Variants in DCC observed in about 807,000 individuals in gnomAD.
DCC encodes the protein DCC netrin 1 receptor.
A neutral mutation model predicts 172.5 loss-of-function variants in DCC; 58 were observed. The observed-to-expected ratio is 0.34, with a 90% CI of 0.27 to 0.42. DCC has a LOEUF of 0.42. DCC is among the 10% of genes least tolerant of loss of function. DCC has a pLI of 1.00. For missense variants in DCC, 1,740 were observed against 1,791.0 expected (o/e 0.97, Z 0.51); for synonymous variants, 709 against 644.5 (o/e 1.10, Z -1.52).
intron 7 of DCC, among the ~76,000 whole-genome samples, chr18:53,107,458 C>T (rs537727593): frequency 6.7e-6 from 1 of 148,776 alleles, no homozygotes; most frequent in South Asian, 2.1e-4. Context: ...AATGACTATC[C>T]TATAGAAGAG....
At chr18:53,190,415 C>T (rs1165723560) in intron 9 of DCC, among the ~76,000 whole-genome samples, 13 of 151,206 alleles carry the variant, frequency 8.6e-5, no homozygotes, top group Admixed American at 8.6e-4. Context: ...GTGTCAGAGC[C>T]AGAGTTTGAA....
At chr18:52,736,110 C>G (rs1265930302) in intron 1 of DCC, among the ~76,000 whole-genome samples, 1 of 151,994 alleles carries the variant, frequency 6.6e-6, no homozygotes. Flanking sequence ...CACAGGAATT[C>G]AGACATTGAC....
chr18:53,205,121 A>G (rs951939057), intron 9 of DCC, 95 bp from the exon 10 acceptor site: 8 of 932,434 alleles, frequency 8.6e-6, no homozygotes, highest in Admixed American at 1.7e-5. Flanking sequence ...CTAGAATTTT[A>G]TTGAACTGTA....
intron 8 of DCC, among the ~76,000 whole-genome samples, chr18:53,174,738 A>T (rs2055064227): frequency 6.8e-6 from 1 of 147,532 alleles, no homozygotes; most frequent in Non-Finnish European, 1.5e-5. Context: ...GCCGAATTCT[A>T]CCAGAGGTAC....
At chr18:52,935,525 A>G (rs950545888) in intron 5 of DCC, among the ~76,000 whole-genome samples, 10 of 152,258 alleles carry the variant, frequency 6.6e-5, no homozygotes, top group Admixed American at 2.6e-4. Flanking sequence ...AAGAAAACAT[A>G]TACTTCAAAA....
intron 1 of DCC, among the ~76,000 whole-genome samples, chr18:52,717,446 T>TTTC: frequency 6.8e-6 from 1 of 147,218 alleles, no homozygotes; most frequent in Non-Finnish European, 1.5e-5. Context: ...TTTTTTTTTT[T>TTTC]TTCCAAAAAA....
chr18:52,808,095 G>A (rs2145241849), intron 2 of DCC, among the ~76,000 whole-genome samples: 1 of 152,298 alleles, frequency 6.6e-6, no homozygotes, highest in East Asian at 1.9e-4. Flanking sequence ...TCCCTAGCAA[G>A]TTTCCCTTTA....
intron 5 of DCC, among the ~76,000 whole-genome samples, chr18:52,977,925 C>T (rs72928160): frequency 0.027 from 4,033 of 148,016 alleles, 192 homozygotes; most frequent in East Asian, 0.21. Flanking sequence ...AAAAAAAAAG[C>T]ATATCTGCTT....
chr18:52,910,011 TTGAC>T lies in DCC; in HGVS notation c.697+3686_697+3689del, dbSNP rs1454317230. Reference sequence around the variant, plus strand: ...TTCAGGCGAACTGTATATATTCTGTTTGACTGGCTCATAGGCAGGAAGCGATAAA... The same window carrying T: ...TTCAGGCGAACTGTATATATTCTGTTTGGCTCATAGGCAGGAAGCGATAAA... On this transcript the variant is annotated intron_variant, in intron 3 of 28. Transcript: ENST00000442544. 6.6e-5 allele frequency among the ~76,000 whole-genome samples: 10 copies of T among 152,248 alleles called. No homozygotes were observed. The East Asian group carries it at 1.5e-3, about 24-fold the overall frequency.
chr18:52,822,625 C>A (rs2038426894), intron 2 of DCC, among the ~76,000 whole-genome samples: 1 of 152,190 alleles, frequency 6.6e-6, no homozygotes, highest in Non-Finnish European at 1.5e-5. Flanking sequence ...CTGCTACCAG[C>A]CACATTCAGC....
intron 1 of DCC, among the ~76,000 whole-genome samples, chr18:52,601,468 C>T (rs1239358570): frequency 6.6e-6 from 1 of 152,012 alleles, no homozygotes; most frequent in African/African-American, 2.4e-5. Context: ...TAAGCTTATT[C>T]AGTTTTCCTC....
intron 25 of DCC, among the ~76,000 whole-genome samples, chr18:53,476,894 G>A (rs933969494): frequency 6.6e-6 from 1 of 152,184 alleles, no homozygotes; most frequent in Non-Finnish European, 1.5e-5. Context: ...AATAGAATAT[G>A]TATATTTTTA....
intron 5 of DCC, among the ~76,000 whole-genome samples, chr18:53,030,099 G>C (rs2042008203): frequency 6.6e-6 from 1 of 152,086 alleles, no homozygotes; most frequent in Admixed American, 6.6e-5. Flanking sequence ...AACCCTCCTG[G>C]AATGTCTAGC....
At chr18:52,414,870 G>A (rs532252694) in intron 1 of DCC, among the ~76,000 whole-genome samples, 30 of 152,164 alleles carry the variant, frequency 2.0e-4, no homozygotes, top group Non-Finnish European at 4.1e-4. Context: ...ACACAATCTT[G>A]TACTGCAAGA....
intron 1 of DCC, among the ~76,000 whole-genome samples, chr18:52,440,530 T>C (rs1268244498): frequency 6.6e-6 from 1 of 152,164 alleles, no homozygotes; most frequent in Non-Finnish European, 1.5e-5. Context: ...CCCTCAACAA[T>C]GGAGAGATGA....
intron 1 of DCC, among the ~76,000 whole-genome samples, chr18:52,525,893 G>A (rs1397270283): frequency 6.6e-6 from 1 of 152,140 alleles, no homozygotes; most frequent in Non-Finnish European, 1.5e-5. Flanking sequence ...ATCTTTGTTA[G>A]CCTCAGTTTT....
chr18:53,126,179 C>T lies in DCC; in HGVS notation c.1262-31177C>T, dbSNP rs561383841. Among the ~76,000 whole-genome samples the T allele has an allele frequency of 4.3e-4, 65 of 152,234 alleles. 3 individuals are homozygous for T. The South Asian group carries it at 0.013, about 31-fold the overall frequency. ...CAAAAAACCAGAATGTGGTATTCTA[C>T]ACAAGCTGGAGATTTTAAATTCACA... On this transcript the variant is annotated intron_variant, in intron 7 of 28. Transcript: ENST00000442544.
intron 12 of DCC, among the ~76,000 whole-genome samples, chr18:53,222,187 C>T (rs1463972786): frequency 6.6e-6 from 1 of 152,006 alleles, no homozygotes; most frequent in Non-Finnish European, 1.5e-5. Context: ...TATTGGATAA[C>T]TAGTTTTTAA....
intron 5 of DCC, among the ~76,000 whole-genome samples, chr18:52,942,692 G>A (rs1443659623): frequency 6.6e-6 from 1 of 152,068 alleles, no homozygotes; most frequent in East Asian, 1.9e-4. Flanking sequence ...CAGCATGGGG[G>A]AACCTCCTCC....
Sources: gnomAD v4.1 joint callset for allele counts (sites outside exome capture counted in the v4.1 genomes callset) on GRCh38, gnomAD v4.1.1 for gene constraint, MANE v1.5 for transcripts, NCBI Gene and HGNC (gene_info 2026-07-23, HGNC 2026-07-21) for gene names.